H4C9: variants seen among roughly 807,000 people sequenced by gnomAD.
H4C9 encodes the protein H4 clustered histone 9, also known as histone H4.
H4C9 carries 3 observed loss-of-function variants against 4.3 expected under a neutral mutation model. The ratio of observed to expected loss-of-function variants is 0.70; its 90% CI spans 0.32 to 1.82. H4C9 has a LOEUF of 1.82. Among genes scored for constraint, H4C9 ranks in the 40% most tolerant of loss-of-function variants. The pLI, the probability that H4C9 is intolerant of heterozygous loss-of-function variation, is 0.08. For synonymous variants in H4C9, 83 were observed against 64.8 expected, an observed-to-expected ratio of 1.28 and a Z score of -1.35; for missense variants, 166 against 158.3, an observed-to-expected ratio of 1.05 and a Z score of -0.26.
In H4C9 at chr6:27,139,364, A is replaced by C; in HGVS notation, c.56A>C (p.His19Pro). 1 of 1,614,116 alleles carries C rather than the reference A, an allele frequency of 6.2e-7. No individual in the cohort carries two copies. Among genetic ancestry groups the C allele is most frequent in the Non-Finnish European group, 8.5e-7 (1 of 1,179,992 alleles). ...CTGGGGAAAGGGGGTGCCAAGCGCC[A>C]CCGCAAGGTGCTGCGCGACAACATC... ...KGLGKGGAKR[H>P]RKVLRDNIQG... The change falls in exon 1 of 1, where the codon CAC (histidine) becomes CCC (proline). Residue 19 changes from histidine (H) to proline (P), a missense_variant. By Grantham distance (77) the His-to-Pro change is moderately conservative (BLOSUM62 -2). Coordinates refer to ENST00000615353, the MANE Select transcript of H4C9 (RefSeq NM_003495.3).
chr6:27,139,292 T>C lies in H4C9; in HGVS notation c.-17T>C. On this transcript the variant is annotated 5_prime_UTR_variant, in exon 1 of 1. Coordinates refer to ENST00000615353, the MANE Select transcript of H4C9 (RefSeq NM_003495.3). ...GCCATCACAGGCAGCAGACCTTTGTTCTCTGACCACTTGATAATGTCAGGA... is the reference window on the plus strand; with the variant it reads ...GCCATCACAGGCAGCAGACCTTTGTCCTCTGACCACTTGATAATGTCAGGA... The C allele has an allele frequency of 6.3e-7, 1 of 1,589,406 alleles. No individual in the cohort carries two copies. The highest frequency in any genetic ancestry group is 8.6e-7 in the Non-Finnish European group (1 of 1,166,424).
Position 27,139,675 on chromosome 6 carries a change from G to C in H4C9, c.*55G>C, listed in dbSNP as rs143475637. ...AAAAGGCCCTTTTTAGGGCCCCTAAGCTTTCAACAAAAGAGTTGAAATGAC... is the reference window on the plus strand; with the variant it reads ...AAAAGGCCCTTTTTAGGGCCCCTAACCTTTCAACAAAAGAGTTGAAATGAC... On this transcript the variant is annotated 3_prime_UTR_variant, in exon 1 of 1. Transcript: ENST00000615353. The C allele has an allele frequency of 1.3e-6, 2 of 1,539,126 alleles. No homozygotes were observed. The highest frequency in any genetic ancestry group is 1.4e-5 in the African/African-American group (1 of 72,342).
In H4C9 at chr6:27,139,365, C is replaced by A; in HGVS notation, c.57C>A (p.His19Gln). The change falls in exon 1 of 1, where the codon CAC (histidine) becomes CAA (glutamine). Residue 19 changes from histidine (H) to glutamine (Q), a missense_variant. His to Gln is a conservative substitution (Grantham distance 24). Transcript: ENST00000615353. Reference sequence around the variant, plus strand: ...TGGGGAAAGGGGGTGCCAAGCGCCACCGCAAGGTGCTGCGCGACAACATCC... The same window carrying A: ...TGGGGAAAGGGGGTGCCAAGCGCCAACGCAAGGTGCTGCGCGACAACATCC... ...KGLGKGGAKR[H>Q]RKVLRDNIQG... is the part of the protein sequence containing the mutation. 1.2e-6 allele frequency: 2 copies of A among 1,614,128 alleles called. No homozygotes were observed. Among genetic ancestry groups the A allele is most frequent in the Non-Finnish European group, 1.7e-6 (2 of 1,179,998 alleles).
In H4C9 at chr6:27,139,379, G is replaced by A. The variant is rs1759963887; in HGVS notation, c.71G>A (p.Arg24His). ...GCCAAGCGCCACCGCAAGGTGCTGC[G>A]CGACAACATCCAGGGTATCACCAAG... ...GGAKRHRKVL[R>H]DNIQGITKPA... Residue 24 changes from arginine (R) to histidine (H), a missense_variant, in exon 1 of 1, where the codon CGC becomes CAC. Coordinates refer to ENST00000615353, the MANE Select transcript of H4C9 (RefSeq NM_003495.3). The A allele has an allele frequency of 6.2e-7, 1 of 1,614,210 alleles. No homozygotes were observed.
At position 27,139,408 on chromosome 6, in the gene H4C9, G is replaced by T; in HGVS notation, c.100G>T (p.Ala34Ser). Residue 34 changes from alanine to serine, a missense_variant, in exon 1 of 1, where the codon GCC becomes TCC. By Grantham distance (99) the Ala-to-Ser change is moderately conservative. Coordinates refer to ENST00000615353, the MANE Select transcript of H4C9 (RefSeq NM_003495.3). ...CAACATCCAGGGTATCACCAAGCCA[G>T]CCATTCGGCGCCTTGCTCGCCGCGG... is the stretch of plus-strand genomic sequence containing the variant. The part of the protein sequence containing the change: ...RDNIQGITKP[A>S]IRRLARRGGV... 5 of 1,614,246 alleles carry T rather than the reference G, an allele frequency of 3.1e-6. No individual in the cohort carries two copies. The South Asian group carries it at 3.3e-5, about 11-fold the overall frequency.
rs1221728388 is a variant in H4C9 at position 27,139,295 on chromosome 6, C to T, written c.-14C>T. On this transcript the variant is annotated 5_prime_UTR_variant, in exon 1 of 1. Transcript: ENST00000615353. ...ATCACAGGCAGCAGACCTTTGTTCT[C>T]TGACCACTTGATAATGTCAGGACGC... The T allele has an allele frequency of 2.5e-6, 4 of 1,591,442 alleles. No individual in the cohort carries two copies. Among genetic ancestry groups the T allele is most frequent in the South Asian group, 2.3e-5 (2 of 87,708 alleles).
rs1460225996 is a variant in H4C9, at chr6:27,139,323, CA to C, written c.18del (p.Gly7GlufsTer38). On this transcript the variant is annotated frameshift_variant, in exon 1 of 1. Transcript: ENST00000615353. LOFTEE classifies it high-confidence loss of function. ...ACCACTTGATAATGTCAGGACGCGGCAAAGGAGGTAAGGGCCTGGGGAAAGG... is the reference window on the plus strand; with the variant it reads ...ACCACTTGATAATGTCAGGACGCGGCAAGGAGGTAAGGGCCTGGGGAAAGG... MSGRG[K>X]GGKGLGKGGA... 6.2e-7 allele frequency: 1 copy of C among 1,609,814 alleles called. No individual in the cohort carries two copies. The highest frequency in any genetic ancestry group is 8.5e-7 in the Non-Finnish European group (1 of 1,177,652).
chr6:27,139,451 C>G lies in H4C9; in HGVS notation c.143C>G (p.Ser48Cys). 1 of 1,614,220 alleles carries G rather than the reference C, an allele frequency of 6.2e-7. No homozygotes were observed. The highest frequency in any genetic ancestry group is 8.5e-7 in the Non-Finnish European group (1 of 1,180,040). ...CGCCGCGGCGGCGTGAAGCGCATTT[C>G]TGGCCTCATCTATGAGGAGACCCGC... ...LARRGGVKRI[S>C]GLIYEETRGV... The change falls in exon 1 of 1, where the codon TCT becomes TGT. Residue 48 changes from serine (S) to cysteine (C), a missense_variant. Coordinates refer to ENST00000615353, the MANE Select transcript of H4C9 (RefSeq NM_003495.3).
rs1759973983 is a variant in H4C9 at position 27,139,634 on chromosome 6, GC to G, written c.*17del. ...TTCGGCGGCTAAATGGCATTTTGAA[GC>G]CCAGTCATTCTCTAAAAAGGCCCTT... On this transcript the variant is annotated 3_prime_UTR_variant, in exon 1 of 1. Transcript: ENST00000615353. 1 of 1,597,164 alleles carries G rather than the reference GC, an allele frequency of 6.3e-7. No individual in the cohort carries two copies.
rs780853367 is a variant in H4C9, at chr6:27,139,658, C to T, written c.*38C>T. The T allele has an allele frequency of 3.2e-6, 5 of 1,568,244 alleles. No individual in the cohort carries two copies. The highest frequency in any genetic ancestry group is 4.3e-6 in the Non-Finnish European group (5 of 1,159,676). On this transcript the variant is annotated 3_prime_UTR_variant, in exon 1 of 1. Transcript: ENST00000615353. ...AGCCCAGTCATTCTCTAAAAAGGCC[C>T]TTTTTAGGGCCCCTAAGCTTTCAAC...
In H4C9 at chr6:27,139,393, G is replaced by A. The variant is rs752849854; in HGVS notation, c.85G>A (p.Gly29Ser). 2.5e-6 allele frequency: 4 copies of A among 1,614,094 alleles called. No individual in the cohort carries two copies. The highest frequency in any genetic ancestry group is 2.7e-5 in the African/African-American group (2 of 74,940). ...CAAGGTGCTGCGCGACAACATCCAG[G>A]GTATCACCAAGCCAGCCATTCGGCG... Reference protein sequence around the residue: ...HRKVLRDNIQGITKPAIRRLA... With the variant: ...HRKVLRDNIQSITKPAIRRLA... Residue 29 changes from glycine to serine, a missense_variant, in exon 1 of 1, where the codon GGT (glycine) becomes AGT (serine). By Grantham distance (56) the Gly-to-Ser change is moderately conservative. Coordinates refer to ENST00000615353, the MANE Select transcript of H4C9 (RefSeq NM_003495.3).
In H4C9 at chr6:27,139,461, C is replaced by G. The variant is rs753701748; in HGVS notation, c.153C>G (p.Ile51Met). The G allele has an allele frequency of 2.5e-6, 4 of 1,614,222 alleles. No individual in the cohort carries two copies. The highest frequency in any genetic ancestry group is 3.4e-6 in the Non-Finnish European group (4 of 1,180,046). The change falls in exon 1 of 1, where the codon ATC (isoleucine) becomes ATG (methionine). Residue 51 changes from isoleucine (I) to methionine (M), a missense_variant. Ile to Met is a conservative substitution (Grantham distance 10, BLOSUM62 1). Coordinates refer to ENST00000615353, the MANE Select transcript of H4C9 (RefSeq NM_003495.3). ...GCGTGAAGCGCATTTCTGGCCTCAT[C>G]TATGAGGAGACCCGCGGAGTGTTGA... is the stretch of plus-strand genomic sequence containing the variant. ...RGGVKRISGLIYEETRGVLKV... is the reference protein window; with the variant it reads ...RGGVKRISGLMYEETRGVLKV...
At position 27,139,653 on chromosome 6, in the gene H4C9, A is replaced by T. The variant is rs202114057; in HGVS notation, c.*33A>T. 6.3e-7 allele frequency: 1 copy of T among 1,575,484 alleles called. No individual in the cohort carries two copies. Among genetic ancestry groups the T allele is most frequent in the East Asian group, 2.2e-5 (1 of 44,680 alleles). ...TTTGAAGCCCAGTCATTCTCTAAAAAGGCCCTTTTTAGGGCCCCTAAGCTT... is the reference window on the plus strand; with the variant it reads ...TTTGAAGCCCAGTCATTCTCTAAAATGGCCCTTTTTAGGGCCCCTAAGCTT... On this transcript the variant is annotated 3_prime_UTR_variant, in exon 1 of 1. Coordinates refer to ENST00000615353, the MANE Select transcript of H4C9 (RefSeq NM_003495.3).
rs1759962527 is a variant in H4C9 at position 27,139,343 on chromosome 6, G to A, written c.35G>A (p.Gly12Glu). 2.5e-6 allele frequency: 4 copies of A among 1,613,496 alleles called. No individual in the cohort carries two copies. The highest frequency in any genetic ancestry group is 1.3e-5 in the African/African-American group (1 of 74,944). ...SGRGKGGKGLGKGGAKRHRKV... is the reference protein window; with the variant it reads ...SGRGKGGKGLEKGGAKRHRKV... ...CGCGGCAAAGGAGGTAAGGGCCTGG[G>A]GAAAGGGGGTGCCAAGCGCCACCGC... Residue 12 changes from glycine (G) to glutamate (E), a missense_variant, in exon 1 of 1, where the codon GGG becomes GAG. Physicochemically the swap from Gly to Glu is moderately conservative, Grantham distance 98. Transcript: ENST00000615353.
chr6:27,139,544 G>C lies in H4C9; in HGVS notation c.236G>C (p.Arg79Pro), dbSNP rs116193614. ...DAVTYTEHAK[R>P]KTVTAMDVVY... ...GTGACCTACACGGAGCACGCCAAGC[G>C]CAAGACGGTCACCGCCATGGACGTG... The change falls in exon 1 of 1, where the codon CGC becomes CCC. Residue 79 changes from arginine (R) to proline (P), a missense_variant. Arg to Pro is a moderately radical substitution (Grantham distance 103). Coordinates refer to ENST00000615353, the MANE Select transcript of H4C9 (RefSeq NM_003495.3). 2.5e-6 allele frequency: 4 copies of C among 1,614,152 alleles called. No individual in the cohort carries two copies. The highest frequency in any genetic ancestry group is 1.7e-5 in the Admixed American group (1 of 60,028).
In H4C9 at chr6:27,139,473, C is replaced by T. The variant is rs752906607; in HGVS notation, c.165C>T (p.Thr55=). The T allele has an allele frequency of 1.2e-6, 2 of 1,614,182 alleles. No homozygotes were observed. Among genetic ancestry groups the T allele is most frequent in the South Asian group, 2.2e-5 (2 of 91,090 alleles). Residue 55 remains threonine (T), a synonymous_variant, in exon 1 of 1, where the codon ACC becomes ACT. Coordinates refer to ENST00000615353, the MANE Select transcript of H4C9 (RefSeq NM_003495.3). ...KRISGLIYEE[T]RGVLKVFLEN... ...TTTCTGGCCTCATCTATGAGGAGAC[C>T]CGCGGAGTGTTGAAGGTGTTCCTGG...
chr6:27,139,378 C>T lies in H4C9; in HGVS notation c.70C>T (p.Arg24Cys), dbSNP rs766338156. Residue 24 changes from arginine (R) to cysteine (C), a missense_variant, in exon 1 of 1, where the codon CGC becomes TGC. Physicochemically the swap from Arg to Cys is radical, Grantham distance 180 (BLOSUM62 -3). Transcript: ENST00000615353. Reference protein sequence around the residue: ...GGAKRHRKVLRDNIQGITKPA... With the variant: ...GGAKRHRKVLCDNIQGITKPA... ...TGCCAAGCGCCACCGCAAGGTGCTG[C>T]GCGACAACATCCAGGGTATCACCAA... 2 of 1,614,212 alleles carry T rather than the reference C, an allele frequency of 1.2e-6. No homozygotes were observed. Among genetic ancestry groups the T allele is most frequent in the Non-Finnish European group, 1.7e-6 (2 of 1,180,038 alleles).
At position 27,139,488 on chromosome 6, in the gene H4C9, G is replaced by A; in HGVS notation, c.180G>A (p.Lys60=). The change falls in exon 1 of 1, where the codon AAG becomes AAA. Residue 60 remains lysine (K), a synonymous_variant. Coordinates refer to ENST00000615353, the MANE Select transcript of H4C9 (RefSeq NM_003495.3). ...ATGAGGAGACCCGCGGAGTGTTGAA[G>A]GTGTTCCTGGAGAACGTGATCCGGG... ...LIYEETRGVL[K]VFLENVIRDA... 1 of 1,614,204 alleles carries A rather than the reference G, an allele frequency of 6.2e-7. No homozygotes were observed. The highest frequency in any genetic ancestry group is 1.7e-5 in the Admixed American group (1 of 60,034).
Position 27,139,544 on chromosome 6 carries a change from G to T in H4C9, c.236G>T (p.Arg79Leu). 2.5e-6 allele frequency: 4 copies of T among 1,614,152 alleles called. No homozygotes were observed. The highest frequency in any genetic ancestry group is 3.4e-6 in the Non-Finnish European group (4 of 1,180,018). The change falls in exon 1 of 1, where the codon CGC (arginine) becomes CTC (leucine). Residue 79 changes from arginine to leucine, a missense_variant. Transcript: ENST00000615353. ...DAVTYTEHAK[R>L]KTVTAMDVVY... ...GTGACCTACACGGAGCACGCCAAGC[G>T]CAAGACGGTCACCGCCATGGACGTG... is the stretch of plus-strand genomic sequence containing the variant.
Sources: allele counts gnomAD v4.1 joint callset, GRCh38; gene constraint gnomAD v4.1.1; transcripts MANE v1.5; gene names NCBI Gene and HGNC (gene_info 2026-07-23, HGNC 2026-07-21).